The following RNF150 variants were observed in gnomAD, a reference collection of about 807,000 sequenced individuals.
RNF150 encodes ring finger protein 150.
Under a neutral mutation model 39.3 loss-of-function variants are expected in RNF150, and 24 were observed. The observed-to-expected ratio is 0.61, with a 90% confidence interval of 0.44 to 0.86. The LOEUF (loss-of-function observed/expected upper bound fraction) is 0.86. Among genes scored for constraint, RNF150 ranks in the 40% least tolerant of loss-of-function variants. The pLI is 0.00. For synonymous variants in RNF150, 255 were observed against 227.3 expected, an observed-to-expected ratio of 1.12 and a Z score of -1.10; for missense variants, 502 against 587.8, an observed-to-expected ratio of 0.85 and a Z score of 1.51.
At chr4:140,962,025 T>C (rs903695915) in intron 2 of RNF150, among the ~76,000 whole-genome samples, 3 of 151,758 alleles carry the variant, frequency 2.0e-5, no homozygotes, top group African/African-American at 7.3e-5. Context: ...AGGGATGCCA[T>C]TTCTAATATC....
At chr4:141,147,404 G>A (rs1457231263) in intron 1 of RNF150, among the ~76,000 whole-genome samples, 2 of 152,186 alleles carry the variant, frequency 1.3e-5, no homozygotes, top group Non-Finnish European at 2.9e-5. Context: ...GGGAAAGAGA[G>A]AGCGTGAAAG....
chr4:141,063,093 T>C (rs993831246), intron 1 of RNF150, among the ~76,000 whole-genome samples: 5 of 152,266 alleles, frequency 3.3e-5, no homozygotes, highest in Non-Finnish European at 5.9e-5. Flanking sequence ...GATGAGATTC[T>C]ACTTTGTAGA....
At chr4:140,891,970 C>T (rs1041561291) in intron 6 of RNF150, among the ~76,000 whole-genome samples, 1 of 152,118 alleles carries the variant, frequency 6.6e-6, no homozygotes, top group Non-Finnish European at 1.5e-5. Flanking sequence ...GCACCACCGT[C>T]CCCCCAACCA....
intron 1 of RNF150, among the ~76,000 whole-genome samples, chr4:141,187,484 C>T (rs1225694632): frequency 6.6e-6 from 1 of 152,158 alleles, no homozygotes; most frequent in Admixed American, 6.5e-5. Context: ...GTGTGGGAGT[C>T]TAAGTCTCTT....
chr4:141,136,557 G>T (rs573799614), upstream of RNF150, among the ~76,000 whole-genome samples: 71 of 152,160 alleles, frequency 4.7e-4, no homozygotes, highest in Non-Finnish European at 9.4e-4. Flanking sequence ...CTGACAAGTG[G>T]TATTTGGGGA....
intron 1 of RNF150, among the ~76,000 whole-genome samples, chr4:140,989,308 G>T (rs901800052): frequency 9.2e-5 from 14 of 151,986 alleles, no homozygotes; most frequent in Non-Finnish European, 2.1e-4. Context: ...TCTGGCCTCT[G>T]CTCATTCAAA....
chr4:141,027,510 C>A (rs952607672), intron 1 of RNF150, among the ~76,000 whole-genome samples: 3 of 152,162 alleles, frequency 2.0e-5, no homozygotes, highest in East Asian at 1.9e-4. Context: ...TAGCTGGTGT[C>A]TAAAACTGCT....
At chr4:140,889,571 A>G (rs1729689420) in intron 6 of RNF150, among the ~76,000 whole-genome samples, 1 of 152,178 alleles carries the variant, frequency 6.6e-6, no homozygotes, top group Non-Finnish European at 1.5e-5. Flanking sequence ...TCTGAAGCAG[A>G]ATTTTTTTTG....
chr4:140,977,134 T>A (rs150366530), intron 1 of RNF150, among the ~76,000 whole-genome samples: 2 of 152,306 alleles, frequency 1.3e-5, no homozygotes, highest in African/African-American at 2.4e-5. Flanking sequence ...GGGCTTTCCA[T>A]ACAGAACCCA....
chr4:141,127,520 G>A (rs1357564413), intron 1 of RNF150, among the ~76,000 whole-genome samples: 4 of 152,136 alleles, frequency 2.6e-5, no homozygotes, highest in Non-Finnish European at 5.9e-5. Flanking sequence ...TCAAAGTAAC[G>A]GCCATAAAGG....
At chr4:141,017,268 T>C (rs903981802) in intron 1 of RNF150, among the ~76,000 whole-genome samples, 2 of 152,178 alleles carry the variant, frequency 1.3e-5, no homozygotes, top group Non-Finnish European at 2.9e-5. Context: ...AAGGTACCAC[T>C]ATTATTTTAG....
At chr4:141,163,100 G>A (rs1411084659) in intron 1 of RNF150, among the ~76,000 whole-genome samples, 1 of 152,172 alleles carries the variant, frequency 6.6e-6, no homozygotes, top group East Asian at 1.9e-4. Context: ...GACCTGGGAT[G>A]CTCGGGCTTG....
chr4:140,889,215 T>C (rs1037534857), intron 6 of RNF150, among the ~76,000 whole-genome samples: 1 of 152,138 alleles, frequency 6.6e-6, no homozygotes, highest in Admixed American at 6.5e-5. Flanking sequence ...TATTTTCCCT[T>C]CTGGAGCAGA....
chr4:141,191,641 G>A (rs1465154495), intron 1 of RNF150, among the ~76,000 whole-genome samples: 1 of 152,166 alleles, frequency 6.6e-6, no homozygotes, highest in South Asian at 2.1e-4. Context: ...AATAAATACA[G>A]TGACAATAAA....
At chr4:140,898,917 A>C (rs531682171) in intron 6 of RNF150, among the ~76,000 whole-genome samples, 2 of 152,308 alleles carry the variant, frequency 1.3e-5, no homozygotes, top group African/African-American at 2.4e-5. Flanking sequence ...CATAAGTCTT[A>C]ATTTATAGAA....
chr4:140,883,542 T>C (rs1026995912), intron 6 of RNF150, among the ~76,000 whole-genome samples: 27 of 152,192 alleles, frequency 1.8e-4, no homozygotes, highest in Non-Finnish European at 7.4e-5. Flanking sequence ...AGTTTTTCAG[T>C]ATATAGTATT....
At chr4:141,130,745 T>G (rs1726873427) in intron 1 of RNF150, among the ~76,000 whole-genome samples, 1 of 152,116 alleles carries the variant, frequency 6.6e-6, no homozygotes, top group African/African-American at 2.4e-5. Flanking sequence ...CCACTGAGGT[T>G]TTAAATATTA....
intron 1 of RNF150, among the ~76,000 whole-genome samples, chr4:140,974,404 C>T (rs373257875): frequency 2.0e-5 from 3 of 152,102 alleles, no homozygotes; most frequent in Non-Finnish European, 2.9e-5. Context: ...TTTAATTATT[C>T]GCCAATTGAT....
intron 1 of RNF150, among the ~76,000 whole-genome samples, chr4:141,176,221 T>A (rs1727809577): frequency 6.6e-6 from 1 of 152,116 alleles, no homozygotes; most frequent in Non-Finnish European, 1.5e-5. Context: ...AAAACGGCAC[T>A]AATCCCTTTC....
Sources: allele counts gnomAD v4.1 joint callset (sites outside exome capture counted in the v4.1 genomes callset), GRCh38; gene constraint gnomAD v4.1.1; transcripts MANE v1.5; gene names NCBI Gene and HGNC (gene_info 2026-07-23, HGNC 2026-07-21).